NLGN1: variants seen among roughly 807,000 people sequenced by gnomAD.
The protein encoded by NLGN1 is neuroligin 1.
A neutral mutation model predicts 65.5 loss-of-function variants in NLGN1; 12 were observed. The ratio of observed to expected loss-of-function variants is 0.18; its 90% CI spans 0.12 to 0.30. The LOEUF is 0.30. Ranked by LOEUF, NLGN1 falls within the 10% of genes least tolerant of loss-of-function variation. NLGN1 has a pLI of 1.00. For synonymous variants in NLGN1, 350 were observed against 359.5 expected (o/e 0.97, Z 0.30); for missense variants, 750 against 1,007.1 (o/e 0.74, Z 3.46).
At chr3:173,808,717 C>T (rs141712041) in intron 4 of NLGN1, among the ~76,000 whole-genome samples, 139 of 152,234 alleles carry the variant, frequency 9.1e-4, no homozygotes, top group Middle Eastern at 3.4e-3. Flanking sequence ...TAATTGTCCT[C>T]CAAGTCTTAT....
chr3:173,938,805 A>G (rs1745489815), intron 4 of NLGN1, among the ~76,000 whole-genome samples: 1 of 152,130 alleles, frequency 6.6e-6, no homozygotes, highest in Non-Finnish European at 1.5e-5. Flanking sequence ...GAGAAAAGGC[A>G]TCAACTCAGT....
intron 1 of NLGN1, among the ~76,000 whole-genome samples, chr3:173,430,683 G>A (rs889908359): frequency 6.6e-6 from 1 of 152,202 alleles, no homozygotes; most frequent in African/African-American, 2.4e-5. Flanking sequence ...TGAGGGATAT[G>A]CCCTCATGGC....
At chr3:173,541,476 G>A (rs1373225723) in intron 2 of NLGN1, among the ~76,000 whole-genome samples, 1 of 152,082 alleles carries the variant, frequency 6.6e-6, no homozygotes, top group Non-Finnish European at 1.5e-5. Flanking sequence ...CTATAAAATG[G>A]GGATTCAGTG....
intron 4 of NLGN1, among the ~76,000 whole-genome samples, chr3:174,109,656 G>T (rs370959870): frequency 6.6e-6 from 1 of 151,482 alleles, no homozygotes; most frequent in Non-Finnish European, 1.5e-5. Flanking sequence ...CTTTATTGAG[G>T]CTCAGTTGAA....
At chr3:173,613,287 G>C (rs1752581016) in intron 3 of NLGN1, among the ~76,000 whole-genome samples, 1 of 152,002 alleles carries the variant, frequency 6.6e-6, no homozygotes, top group African/African-American at 2.4e-5. Flanking sequence ...AGTTGCCCAA[G>C]TTCACATGAC....
At position 173,740,983 on chromosome 3, in the gene NLGN1, C is replaced by T. The variant is rs993532090; in HGVS notation, c.494-66697C>T. ...AAAACAGCTTTGACTTTATAAAACA[C>T]GCAAAGTATTATTAGCATACAAAAT... On this transcript the variant is annotated intron_variant, in intron 3 of 6. Transcript: ENST00000457714. 1.2e-4 allele frequency among the ~76,000 whole-genome samples: 18 copies of T among 152,150 alleles called. No homozygotes were observed. In the South Asian group the frequency reaches 1.5e-3, roughly 12 times the overall value.
chr3:174,065,425 T>TA (rs1452256262), intron 4 of NLGN1, among the ~76,000 whole-genome samples: 8 of 152,136 alleles, frequency 5.3e-5, no homozygotes, highest in African/African-American at 1.7e-4. Flanking sequence ...TGAAATATAT[T>TA]AAGTAAATAT....
intron 3 of NLGN1, among the ~76,000 whole-genome samples, chr3:173,715,820 A>G (rs1480629969): frequency 2.6e-5 from 4 of 152,180 alleles, no homozygotes; most frequent in Non-Finnish European, 5.9e-5. Context: ...ATTTAAAAAT[A>G]AAATCCTTGT....
At chr3:174,194,425 G>A (rs1243876317) in intron 4 of NLGN1, among the ~76,000 whole-genome samples, 1 of 150,222 alleles carries the variant, frequency 6.7e-6, no homozygotes, top group Non-Finnish European at 1.5e-5. Context: ...CTCCAGCCTG[G>A]AGACAGAGCT....
At chr3:173,676,732 A>G (rs149653397) in intron 3 of NLGN1, among the ~76,000 whole-genome samples, 25 of 152,240 alleles carry the variant, frequency 1.6e-4, no homozygotes, top group African/African-American at 5.8e-4. Flanking sequence ...AAAAATGCCT[A>G]AACTTCCACT....
chr3:173,659,031 G>A (rs1760508544), intron 3 of NLGN1, among the ~76,000 whole-genome samples: 1 of 151,966 alleles, frequency 6.6e-6, no homozygotes, highest in Non-Finnish European at 1.5e-5. Flanking sequence ...ACAGAGAAGT[G>A]TAACTCCAGA....
At chr3:174,093,393 A>G (rs1744896730) in intron 4 of NLGN1, among the ~76,000 whole-genome samples, 1 of 152,208 alleles carries the variant, frequency 6.6e-6, no homozygotes. Context: ...TGTCAGAAGC[A>G]CACAGCTTCG....
intron 4 of NLGN1, among the ~76,000 whole-genome samples, chr3:173,884,592 A>G (rs1383892408): frequency 2.0e-5 from 3 of 152,172 alleles, no homozygotes. Context: ...TTACATCCAC[A>G]CATACTGATA....
intron 4 of NLGN1, among the ~76,000 whole-genome samples, chr3:173,849,690 G>A (rs1233348931): frequency 6.6e-6 from 1 of 152,026 alleles, no homozygotes; most frequent in Non-Finnish European, 1.5e-5. Context: ...GATGAACAGG[G>A]AACTCTGTTG....
chr3:173,740,244 A>G (rs1774442383), intron 3 of NLGN1, among the ~76,000 whole-genome samples: 2 of 152,130 alleles, frequency 1.3e-5, no homozygotes, highest in African/African-American at 4.8e-5. Flanking sequence ...AATTACTGGT[A>G]TATATGGAAC....
At chr3:173,423,486 A>G (rs1328397052) in intron 1 of NLGN1, among the ~76,000 whole-genome samples, 2 of 152,144 alleles carry the variant, frequency 1.3e-5, no homozygotes, top group African/African-American at 4.8e-5. Context: ...CCAAGATACA[A>G]TGGAGGTGTG....
intron 3 of NLGN1, among the ~76,000 whole-genome samples, chr3:173,679,807 T>C (rs1763706288): frequency 6.6e-6 from 1 of 152,122 alleles, no homozygotes; most frequent in African/African-American, 2.4e-5. Context: ...TTGTTAACCA[T>C]GATAAACCTA....
intron 3 of NLGN1, among the ~76,000 whole-genome samples, chr3:173,716,468 CTAA>C (rs1769867248): frequency 6.6e-6 from 1 of 152,040 alleles, no homozygotes; most frequent in Non-Finnish European, 1.5e-5. Context: ...CTAAGTGCTG[CTAA>C]TATACAGGAA....
chr3:174,043,850 A>G (rs1325641949), intron 4 of NLGN1, among the ~76,000 whole-genome samples: 1 of 152,018 alleles, frequency 6.6e-6, no homozygotes, highest in African/African-American at 2.4e-5. Flanking sequence ...AGTCTTTGAC[A>G]CCCCTATTTC....
Sources: gnomAD v4.1 joint callset for allele counts (sites outside exome capture counted in the v4.1 genomes callset) on GRCh38, gnomAD v4.1.1 for gene constraint, MANE v1.5 for transcripts, NCBI Gene and HGNC (gene_info 2026-07-23, HGNC 2026-07-21) for gene names.